Variants in LDB2 observed in about 807,000 individuals in gnomAD.
The protein encoded by LDB2 is LIM domain binding 2.
In LDB2, 12 loss-of-function variants were observed where a neutral mutation model predicts 44.3. The ratio of observed to expected loss-of-function variants is 0.27; its 90% confidence interval spans 0.17 to 0.44. The LOEUF (loss-of-function observed/expected upper bound fraction) is 0.44, where lower values mean the gene tolerates loss of function less well. Ranked by LOEUF, LDB2 falls within the 20% of genes least tolerant of loss-of-function variation. The probability of loss-of-function intolerance (pLI) is 1.00; values close to 1 mark genes in which losing one functional copy is unlikely to be tolerated. For synonymous variants in LDB2, 164 were observed against 174.8 expected, an observed-to-expected ratio of 0.94 and a Z score of 0.49; for missense variants, 344 against 473.5, an observed-to-expected ratio of 0.73 and a Z score of 2.54.
chr4:16,819,107 T>C (rs980928103), intron 1 of LDB2, among the ~76,000 whole-genome samples: 6 of 151,876 alleles, frequency 4.0e-5, no homozygotes, highest in Admixed American at 3.3e-4. Flanking sequence ...TGTGTGTGTG[T>C]GTGTGTGTGT....
chr4:16,778,306 T>C (rs1211343608), intron 1 of LDB2, among the ~76,000 whole-genome samples: 2 of 152,164 alleles, frequency 1.3e-5, no homozygotes, highest in Non-Finnish European at 2.9e-5. Flanking sequence ...CACACACGCA[T>C]GCAAGACAAA....
chr4:16,699,549 A>AATAGATATAT (rs763293617), intron 2 of LDB2, among the ~76,000 whole-genome samples: 23 of 152,354 alleles, frequency 1.5e-4, no homozygotes, highest in Non-Finnish European at 2.9e-4. Context: ...CCATTATGCA[A>AATAGATATAT]ATAGATATAT....
chr4:16,641,211 T>C (rs1038734286), intron 2 of LDB2, among the ~76,000 whole-genome samples: 2 of 152,186 alleles, frequency 1.3e-5, no homozygotes, highest in African/African-American at 2.4e-5. Context: ...AGAAGCTGAC[T>C]TTATTTCAGG....
At chr4:16,506,734 A>G (rs540762024) in intron 7 of LDB2, 1 of 117,810 alleles carries the variant, frequency 8.5e-6, no homozygotes, top group South Asian at 3.6e-4. Flanking sequence ...TGAGCTCTTC[A>G]ATGACAGGGC....
intron 6 of LDB2, 97 bp from the exon 7 acceptor site, chr4:16,508,783 G>T: frequency 8.5e-7 from 1 of 1,172,866 alleles, no homozygotes; most frequent in Non-Finnish European, 1.2e-6. Flanking sequence ...TTGGTAAACT[G>T]AAGAGTAGAC....
intron 2 of LDB2, among the ~76,000 whole-genome samples, chr4:16,642,491 T>C (rs1280174850): frequency 6.6e-6 from 1 of 152,072 alleles, no homozygotes; most frequent in Non-Finnish European, 1.5e-5. Flanking sequence ...GATGATCAAA[T>C]ACCAGAAGGA....
intron 2 of LDB2, among the ~76,000 whole-genome samples, chr4:16,633,050 A>G (rs565574303): frequency 4.6e-5 from 7 of 152,344 alleles, no homozygotes; most frequent in African/African-American, 1.4e-4. Flanking sequence ...ATGTCCATCA[A>G]TGATAGACTG....
intron 1 of LDB2, among the ~76,000 whole-genome samples, chr4:16,788,984 T>C (rs894916324): frequency 2.0e-5 from 3 of 151,266 alleles, no homozygotes; most frequent in Admixed American, 2.0e-4. Flanking sequence ...TGCTATGGGG[T>C]TTTTTTTTCT....
chr4:16,612,308 G>C (rs1578200240), intron 2 of LDB2, among the ~76,000 whole-genome samples: 2 of 152,164 alleles, frequency 1.3e-5, no homozygotes, highest in South Asian at 4.2e-4. Flanking sequence ...AAAAGAGCTA[G>C]AGAGGCAAGA....
intron 1 of LDB2, chr4:16,888,609 C>A (rs1722430245): frequency 2.0e-6 from 1 of 492,614 alleles, no homozygotes; most frequent in Non-Finnish European, 2.6e-6. Context: ...TATGCTAGTG[C>A]AGGCATGTAA....
chr4:16,764,801 T>C (rs1388872468), intron 1 of LDB2, among the ~76,000 whole-genome samples: 1 of 152,156 alleles, frequency 6.6e-6, no homozygotes, highest in Non-Finnish European at 1.5e-5. Flanking sequence ...GACCTGGCAA[T>C]GTGGCCAAGT....
chr4:16,754,693 A>C (rs957060553), intron 2 of LDB2, among the ~76,000 whole-genome samples: 1 of 151,924 alleles, frequency 6.6e-6, no homozygotes, highest in Non-Finnish European at 1.5e-5. Context: ...CACCACGCCC[A>C]GCCAATTTTT....
intron 1 of LDB2, among the ~76,000 whole-genome samples, chr4:16,805,211 C>G (rs1380571539): frequency 6.6e-6 from 1 of 152,178 alleles, no homozygotes; most frequent in Non-Finnish European, 1.5e-5. Flanking sequence ...GAGTCCCCAA[C>G]TTCAAGTACC....
chr4:16,658,624 A>T (rs1740588623), intron 2 of LDB2, among the ~76,000 whole-genome samples: 1 of 152,192 alleles, frequency 6.6e-6, no homozygotes, highest in South Asian at 2.1e-4. Flanking sequence ...TTAATTTAGA[A>T]TGTTCAAAAG....
chr4:16,650,441 C>T (rs1737959151), intron 2 of LDB2, among the ~76,000 whole-genome samples: 1 of 152,084 alleles, frequency 6.6e-6, no homozygotes. Context: ...TTTTGGGTTC[C>T]ATGTTGTGTG....
intron 1 of LDB2, among the ~76,000 whole-genome samples, chr4:16,866,361 A>G (rs1466964432): frequency 1.3e-5 from 2 of 152,242 alleles, no homozygotes; most frequent in Non-Finnish European, 2.9e-5. Flanking sequence ...AAAATATAAA[A>G]TGCTACTTTA....
chr4:16,766,024 T>C (rs1034145124), intron 1 of LDB2, among the ~76,000 whole-genome samples: 1 of 152,186 alleles, frequency 6.6e-6, no homozygotes, highest in African/African-American at 2.4e-5. Context: ...AAAGAGAATA[T>C]GATGAAGACT....
At chr4:16,648,703 A>G (rs975419724) in intron 2 of LDB2, among the ~76,000 whole-genome samples, 2 of 152,206 alleles carry the variant, frequency 1.3e-5, no homozygotes, top group African/African-American at 2.4e-5. Context: ...AAAAGACTCT[A>G]TTTAATTGCT....
chr4:16,785,998 G>C (rs1391982260), intron 1 of LDB2, among the ~76,000 whole-genome samples: 1 of 152,130 alleles, frequency 6.6e-6, no homozygotes, highest in Non-Finnish European at 1.5e-5. Flanking sequence ...CTGCTGCTAA[G>C]GGACTCGCCT....
Sources: allele counts gnomAD v4.1 joint callset (sites outside exome capture counted in the v4.1 genomes callset), GRCh38; gene constraint gnomAD v4.1.1; transcripts MANE v1.5; gene names NCBI Gene and HGNC (gene_info 2026-07-23, HGNC 2026-07-21).